Variants in NEK4 observed in about 807,000 individuals in gnomAD.
NEK4 encodes the protein serine/threonine-protein kinase Nek4.
In NEK4, 86 loss-of-function variants were observed where a neutral mutation model predicts 98.4. The observed-to-expected ratio is 0.87, with a 90% CI of 0.73 to 1.05. The LOEUF (loss-of-function observed/expected upper bound fraction) is 1.05, where lower values mean the gene tolerates loss of function less well. NEK4 is among the 50% of genes least tolerant of loss of function. NEK4 has a pLI of 0.00. For missense variants in NEK4, 898 were observed against 950.3 expected, an observed-to-expected ratio of 0.94 and a Z score of 0.72; for synonymous variants, 328 against 342.2, an observed-to-expected ratio of 0.96 and a Z score of 0.46.
chr3:52,736,750 T>A (rs950944596), intron 15 of NEK4, among the ~76,000 whole-genome samples: 8 of 152,174 alleles, frequency 5.3e-5, no homozygotes, highest in Non-Finnish European at 1.0e-4. Flanking sequence ...TTACCAAACT[T>A]ATGGATTATC....
At chr3:52,733,583 T>C (rs6780397) in intron 15 of NEK4, 26,016 of 510,250 alleles carry the variant, frequency 0.051, 3,018 homozygotes, top group African/African-American at 0.33. Context: ...AAATAATTCA[T>C]AGTACAGAGA....
chr3:52,763,774 T>C, intron 4 of NEK4, 150 bp from the exon 5 acceptor site: 1 of 555,632 alleles, frequency 1.8e-6, no homozygotes, highest in Non-Finnish European at 3.1e-6. Flanking sequence ...TGTACTGGTA[T>C]CCCAGTTGTA....
chr3:52,752,933 T>TATATATATATATACACACACACACAC (rs148965312), intron 6 of NEK4, among the ~76,000 whole-genome samples: 9 of 75,564 alleles, frequency 1.2e-4, no homozygotes, highest in African/African-American at 3.8e-4. Flanking sequence ...TATATATATA[T>TATATATATATATACACACACACACAC]ACACACACAC....
intron 6 of NEK4, chr3:52,754,526 T>A (rs757682683): frequency 1.1e-5 from 14 of 1,281,694 alleles, no homozygotes; most frequent in Non-Finnish European, 1.6e-5. Context: ...CTCATGCAAT[T>A]AGCTTTTCTC....
At chr3:52,745,652 C>T (rs1051463495) in intron 10 of NEK4, among the ~76,000 whole-genome samples, 2 of 152,060 alleles carry the variant, frequency 1.3e-5, no homozygotes, top group Non-Finnish European at 2.9e-5. Flanking sequence ...AGAAGCAGAG[C>T]TAAGATGTTT....
At chr3:52,743,138 G>T in intron 12 of NEK4, 1 of 480,142 alleles carries the variant, frequency 2.1e-6, no homozygotes, top group Non-Finnish European at 3.7e-6. Context: ...GCTATCAATT[G>T]TTTACAAGAG....
intron 13 of NEK4, among the ~76,000 whole-genome samples, 191 bp from the exon 14 acceptor site, chr3:52,739,825 G>C (rs1426421071): frequency 9.9e-5 from 15 of 152,162 alleles, no homozygotes. Context: ...ACAACGTAAA[G>C]GGAATGCAGA....
intron 13 of NEK4, among the ~76,000 whole-genome samples, chr3:52,740,975 C>G (rs751340717): frequency 3.2e-4 from 49 of 151,756 alleles, no homozygotes; most frequent in Non-Finnish European, 5.0e-4. Flanking sequence ...TGGCTCACGC[C>G]TGTAATCCCA....
At position 52,752,325 on chromosome 3, in the gene NEK4, T is replaced by A; in HGVS notation, c.975A>T (p.Lys325Asn). 6.2e-7 allele frequency: 1 copy of A among 1,612,784 alleles called. No homozygotes were observed. Among genetic ancestry groups the A allele is most frequent in the Non-Finnish European group, 8.5e-7 (1 of 1,179,068 alleles). Reference sequence around the variant, plus strand: ...CCCTGGGTTTCTCCTGGGACAAACATTTGCCTTCACCCTGAATGAAAAGAT... The same window carrying A: ...CCCTGGGTTTCTCCTGGGACAAACAATTGCCTTCACCCTGAATGAAAAGAT... ...GSQTYIMGEG[K>N]CLSQEKPRAS... is the part of the protein sequence containing the mutation. The change falls in exon 7 of 16, where the codon AAA becomes AAT. Residue 325 changes from lysine (K) to asparagine (N), a missense_variant. By Grantham distance (94) the Lys-to-Asn change is moderately conservative. Transcript: ENST00000233027.
chr3:52,731,446 G>C (rs1046527821), intron 15 of NEK4, among the ~76,000 whole-genome samples: 3 of 152,166 alleles, frequency 2.0e-5, no homozygotes, highest in African/African-American at 4.8e-5. Flanking sequence ...GCAAAGTGTG[G>C]TAGTGGCATA....
intron 8 of NEK4, among the ~76,000 whole-genome samples, chr3:52,748,140 T>G (rs2097399544): frequency 6.6e-6 from 1 of 150,700 alleles, no homozygotes; most frequent in Non-Finnish European, 1.5e-5. Context: ...TTTTTTTTTT[T>G]GTATTTTTAG....
rs913290281 is a variant in NEK4, at chr3:52,711,146, C to T, written c.*631G>A. 1 of 152,362 alleles carries T rather than the reference C, an allele frequency of 6.6e-6. No homozygotes were observed. The highest frequency in any genetic ancestry group is 2.1e-4 in the South Asian group (1 of 4,816). 9.4% of individuals were successfully genotyped at this position (152,362 alleles called of 1,614,324 possible). ...GTAAAAACATACTGATTTACAAAGC[C>T]AATGTGTCTCAGTTTTAATTTGTAT... On this transcript the variant is annotated 3_prime_UTR_variant, in exon 16 of 16. Coordinates refer to ENST00000233027, the MANE Select transcript of NEK4 (RefSeq NM_003157.6).
chr3:52,710,893 T>G lies in NEK4; in HGVS notation c.*884A>C, dbSNP rs2097349742. 6.6e-6 allele frequency: 1 copy of G among 152,454 alleles called. No individual in the cohort carries two copies. Among genetic ancestry groups the G allele is most frequent in the African/African-American group, 2.4e-5 (1 of 41,462 alleles). 9.4% of individuals were successfully genotyped at this position (152,454 alleles called of 1,614,324 possible). A position where few individuals can be genotyped will look rare whatever the true frequency, so the allele number is the denominator to read the frequency against. ...ATTTCTTTCCTAGATGGGTATTACC[T>G]CTTATTAAACAACTAATAAAATATG... On this transcript the variant is annotated 3_prime_UTR_variant, in exon 16 of 16. Coordinates refer to ENST00000233027, the MANE Select transcript of NEK4 (RefSeq NM_003157.6).
intron 15 of NEK4, among the ~76,000 whole-genome samples, chr3:52,727,736 G>T (rs1022984754): frequency 1.3e-5 from 2 of 152,212 alleles, no homozygotes; most frequent in African/African-American, 4.8e-5. Flanking sequence ...CTCCCGAAGT[G>T]CTGGGATTAC....
Position 52,709,400 on chromosome 3 carries a change from GTAAT to G in NEK4, c.*2373_*2376del, listed in dbSNP as rs760890449. On this transcript the variant is annotated 3_prime_UTR_variant, in exon 16 of 16. Coordinates refer to ENST00000233027, the MANE Select transcript of NEK4 (RefSeq NM_003157.6). Reference sequence around the variant, plus strand: ...AAACAAAATAAAAATATACAGTATGGTAATTAATAAGAAAGTATGGGGGAAGTCA... The same window carrying G: ...AAACAAAATAAAAATATACAGTATGGTAATAAGAAAGTATGGGGGAAGTCA... The G allele has an allele frequency of 3.9e-5, 6 of 151,950 alleles. No homozygotes were observed. The highest frequency in any genetic ancestry group is 2.0e-4 in the Admixed American group (3 of 15,236). The allele number at this position is 151,950 out of a possible 1,614,324, so 9.4% of individuals were successfully genotyped here.
At chr3:52,746,926 T>C in intron 8 of NEK4, 22 bp from the exon 9 acceptor site, 1 of 1,584,150 alleles carries the variant, frequency 6.3e-7, no homozygotes, top group Admixed American at 1.7e-5. Context: ...TAAAATGACA[T>C]TTTAAAGTAT....
Position 52,760,797 on chromosome 3 carries a change from T to C in NEK4, c.961A>G (p.Met321Val). 1.2e-6 allele frequency: 2 copies of C among 1,600,106 alleles called. No homozygotes were observed. Among genetic ancestry groups the C allele is most frequent in the Non-Finnish European group, 1.7e-6 (2 of 1,173,840 alleles). ...LSSEGSQTYI[M>V]GEGKCLSQEK... ...ATACCCTTTAAAAAGAAACGTACCA[T>C]TATATATGTCTGGGAGCCCTCAGAA... The change falls in exon 6 of 16, where the codon ATG (methionine) becomes GTG (valine). Residue 321 changes from methionine to valine, a missense_variant and splice_region_variant. Met to Val is a conservative substitution (Grantham distance 21). Transcript: ENST00000233027.
chr3:52,745,146 C>G (rs2097393911), intron 10 of NEK4, among the ~76,000 whole-genome samples: 1 of 151,906 alleles, frequency 6.6e-6, no homozygotes, highest in African/African-American at 2.4e-5. Flanking sequence ...GTCTCGATCT[C>G]CTGACCTTGT....
intron 6 of NEK4, among the ~76,000 whole-genome samples, chr3:52,758,917 C>T (rs1698235830): frequency 6.6e-6 from 1 of 151,740 alleles, no homozygotes; most frequent in African/African-American, 2.4e-5. Flanking sequence ...GTGAGACCCA[C>T]CTCTACAAAA....
Sources: allele counts gnomAD v4.1 joint callset (sites outside exome capture counted in the v4.1 genomes callset), GRCh38; gene constraint gnomAD v4.1.1; transcripts MANE v1.5; gene names NCBI Gene and HGNC (gene_info 2026-07-23, HGNC 2026-07-21).